The following FAM184A variants were observed in gnomAD, a reference collection of about 807,000 sequenced individuals.
FAM184A encodes family with sequence similarity 184 member A.
In FAM184A, 99 loss-of-function variants were observed where a neutral mutation model predicts 143.8. The observed-to-expected ratio is 0.69, with a 90% CI of 0.58 to 0.81. The LOEUF (loss-of-function observed/expected upper bound fraction) is 0.81, where lower values mean the gene tolerates loss of function less well. Among genes scored for constraint, FAM184A ranks in the 40% least tolerant of loss-of-function variants. The pLI, the probability that FAM184A is intolerant of heterozygous loss-of-function variation, is 0.00. For synonymous variants in FAM184A, 427 were observed against 446.4 expected (o/e 0.96, Z 0.55); for missense variants, 1,217 against 1,310.5 (o/e 0.93, Z 1.10).
chr6:119,147,293 C>A (rs72955092), intron 1 of FAM184A, among the ~76,000 whole-genome samples: 2 of 140,552 alleles, frequency 1.4e-5, no homozygotes, highest in African/African-American at 5.3e-5. Flanking sequence ...TGGGTCTGAT[C>A]GATGATACAA....
chr6:118,994,734 T>A (rs1008857239), intron 9 of FAM184A, among the ~76,000 whole-genome samples: 27 of 92,286 alleles, frequency 2.9e-4, no homozygotes, highest in East Asian at 1.5e-3. Flanking sequence ...AATAAATAAA[T>A]AAAAAGCCAG....
chr6:119,011,242 A>G (rs1016854954), intron 6 of FAM184A, 67 bp downstream of exon 6: 9 of 1,373,488 alleles, frequency 6.6e-6, no homozygotes, highest in South Asian at 1.3e-5. Flanking sequence ...TACCTATACA[A>G]TGTCACCAGA....
rs548281456 is a variant in FAM184A, at chr6:119,122,996, C to G, written c.-202+26082G>C. Among the ~76,000 whole-genome samples, 155 of 134,782 alleles carry G rather than the reference C, an allele frequency of 1.2e-3. 1 individual carries two copies. Among genetic ancestry groups the G allele is most frequent in the African/African-American group, 4.2e-3 (149 of 35,850 alleles). 88.4% of individuals were successfully genotyped at this position (134,782 alleles called of 152,430 possible). ...GTGATCTGAGGGTGGAGTTTTCAGT[C>G]CTCTAATGTCACAAAGTGAAGCAGA... is the stretch of plus-strand genomic sequence containing the variant. On this transcript the variant is annotated intron_variant, in intron 1 of 16. Coordinates refer to the FAM184A transcript ENST00000352896.
At chr6:118,969,752 C>T (rs756108271) in intron 14 of FAM184A, among the ~76,000 whole-genome samples, 1 of 150,742 alleles carries the variant, frequency 6.6e-6, no homozygotes, top group Non-Finnish European at 1.5e-5. Context: ...CACCCATCAA[C>T]CCATCATCTA....
At chr6:119,050,223 CT>C (rs1786697263) in intron 1 of FAM184A, among the ~76,000 whole-genome samples, 1 of 152,140 alleles carries the variant, frequency 6.6e-6, no homozygotes, top group Non-Finnish European at 1.5e-5. Flanking sequence ...TTATACATTG[CT>C]GGTGGGAGTG....
rs142618083 is a variant in FAM184A at position 119,057,939 on chromosome 6, T to C, written c.159+20202A>G. The C allele has an allele frequency of 8.1e-4, 116 of 142,802 alleles. 3 individuals are homozygous for C. In the East Asian group the frequency reaches 0.02, roughly 25 times the overall value. The allele number at this position is 142,802 out of a possible 1,614,324, so 8.8% of individuals were successfully genotyped here. A position where few individuals can be genotyped will look rare whatever the true frequency, so the allele number is the denominator to read the frequency against. On this transcript the variant is annotated intron_variant, in intron 1 of 17. Coordinates refer to ENST00000338891, the MANE Select transcript of FAM184A (RefSeq NM_024581.6). ...TTAACATTAGTGTTACTGAAGTTAG[T>C]ATAAAACTCCCCCGCTCCTAAATGA...
intron 1 of FAM184A, among the ~76,000 whole-genome samples, chr6:119,134,457 GC>G (rs1030590335): frequency 1.4e-4 from 22 of 152,144 alleles, no homozygotes; most frequent in African/African-American, 5.3e-4. Flanking sequence ...TTTGAGACCA[GC>G]CTGAGCAATG....
At chr6:119,005,921 A>T (rs1784902915) in intron 7 of FAM184A, 1 of 543,428 alleles carries the variant, frequency 1.8e-6, no homozygotes, top group Non-Finnish European at 3.3e-6. Flanking sequence ...TTACTAGTAA[A>T]AGAATTGCAC....
At chr6:119,045,882 T>C (rs1197485232) in intron 1 of FAM184A, among the ~76,000 whole-genome samples, 1 of 152,214 alleles carries the variant, frequency 6.6e-6, no homozygotes, top group Admixed American at 6.5e-5. Context: ...CTCTACACCT[T>C]TGCCATTACT....
intron 9 of FAM184A, among the ~76,000 whole-genome samples, chr6:118,984,105 G>GC (rs1371893173): frequency 7.1e-6 from 1 of 141,192 alleles, no homozygotes; most frequent in Non-Finnish European, 1.5e-5. Flanking sequence ...AGCCGAGATC[G>GC]CAGCACTACA....
intron 1 of FAM184A, among the ~76,000 whole-genome samples, chr6:119,076,977 T>G (rs1009599012): frequency 6.6e-6 from 1 of 152,246 alleles, no homozygotes; most frequent in African/African-American, 2.4e-5. Context: ...TTTACTGTTA[T>G]GTACCTGTAA....
At chr6:118,998,968 G>A (rs1387599706) in intron 9 of FAM184A, among the ~76,000 whole-genome samples, 4 of 152,176 alleles carry the variant, frequency 2.6e-5, no homozygotes, top group Admixed American at 2.6e-4. Context: ...ATCTGTAGGT[G>A]GTAAAGAGTA....
At chr6:119,132,857 C>T (rs879881646) in intron 1 of FAM184A, among the ~76,000 whole-genome samples, 7 of 152,196 alleles carry the variant, frequency 4.6e-5, no homozygotes, top group Non-Finnish European at 5.9e-5. Context: ...CCCTTGATAG[C>T]GAGGAGCTTA....
intron 1 of FAM184A, among the ~76,000 whole-genome samples, chr6:119,126,815 A>T (rs1789379892): frequency 6.6e-6 from 1 of 152,006 alleles, no homozygotes; most frequent in Non-Finnish European, 1.5e-5. Flanking sequence ...AATGTGGGGG[A>T]TTTTATTGCC....
chr6:119,085,859 A>G (rs927917551), intron 1 of FAM184A, among the ~76,000 whole-genome samples: 2 of 152,206 alleles, frequency 1.3e-5, no homozygotes, highest in Admixed American at 6.5e-5. Context: ...TTACATGGCC[A>G]GAGCAGGAGA....
chr6:119,074,317 C>T (rs1787795408), intron 1 of FAM184A, among the ~76,000 whole-genome samples: 1 of 152,106 alleles, frequency 6.6e-6, no homozygotes, highest in Non-Finnish European at 1.5e-5. Flanking sequence ...CAATAATACC[C>T]CCTTCCCTAG....
At chr6:119,116,122 C>T (rs1159669555) in intron 1 of FAM184A, among the ~76,000 whole-genome samples, 1 of 152,030 alleles carries the variant, frequency 6.6e-6, no homozygotes, top group Non-Finnish European at 1.5e-5. Flanking sequence ...TTTGAATTTC[C>T]TATCAGCTCC....
intron 9 of FAM184A, among the ~76,000 whole-genome samples, chr6:118,984,634 A>G (rs542883767): frequency 1.3e-5 from 2 of 152,350 alleles, no homozygotes; most frequent in East Asian, 3.9e-4. Context: ...CATCTTACCT[A>G]CAACCTTTGG....
At chr6:118,984,999 T>C (rs777204827) in intron 9 of FAM184A, among the ~76,000 whole-genome samples, 1 of 152,366 alleles carries the variant, frequency 6.6e-6, no homozygotes, top group Non-Finnish European at 1.5e-5. Flanking sequence ...CTTCATTCCC[T>C]TTCCTCACTT....
Sources: gnomAD v4.1 joint callset for allele counts (sites outside exome capture counted in the v4.1 genomes callset) on GRCh38, gnomAD v4.1.1 for gene constraint, MANE v1.5 for transcripts, NCBI Gene and HGNC (gene_info 2026-07-23, HGNC 2026-07-21) for gene names.